The following MYO3B variants were observed in gnomAD, a reference collection of about 807,000 sequenced individuals.
MYO3B encodes the protein myosin IIIB.
MYO3B carries 156 observed loss-of-function variants against 174.6 expected under a neutral mutation model. The ratio of observed to expected loss-of-function variants is 0.89; its 90% CI spans 0.78 to 1.02. The LOEUF is 1.02. Among genes scored for constraint, MYO3B ranks in the 50% least tolerant of loss-of-function variants. MYO3B has a pLI of 0.00. For missense variants in MYO3B, 1,632 were observed against 1,639.4 expected, an observed-to-expected ratio of 1.00 and a Z score of 0.08; for synonymous variants, 563 against 569.1, an observed-to-expected ratio of 0.99 and a Z score of 0.15.
At chr2:170,321,881 C>T (rs559338642) in intron 7 of MYO3B, among the ~76,000 whole-genome samples, 305 of 152,056 alleles carry the variant, frequency 2.0e-3, no homozygotes, top group African/African-American at 7.0e-3. Flanking sequence ...TCTGGGAGGC[C>T]GAGGCGGGTG....
At chr2:170,252,033 C>A (rs943409056) in intron 7 of MYO3B, among the ~76,000 whole-genome samples, 1 of 152,212 alleles carries the variant, frequency 6.6e-6, no homozygotes, top group Admixed American at 6.5e-5. Context: ...CCTCTCTCAT[C>A]ATTAGGCTTG....
intron 7 of MYO3B, among the ~76,000 whole-genome samples, chr2:170,287,529 T>C (rs189799052): frequency 3.9e-5 from 6 of 152,290 alleles, no homozygotes; most frequent in Admixed American, 2.0e-4. Context: ...TTGTATGTCT[T>C]ATTTTGAGAA....
At chr2:170,634,369 A>G (rs1308756437) in intron 32 of MYO3B, among the ~76,000 whole-genome samples, 1 of 152,242 alleles carries the variant, frequency 6.6e-6, no homozygotes, top group Non-Finnish European at 1.5e-5. Context: ...GCAATGGGGA[A>G]AGGATTCCCT....
Position 170,453,451 on chromosome 2 carries a change from CACGA to C in MYO3B, c.2730+9406_2730+9409del, listed in dbSNP as rs1218304017. 8.6e-3 allele frequency among the ~76,000 whole-genome samples: 1,024 copies of C among 119,570 alleles called. 6 individuals are homozygous for C. Among genetic ancestry groups the C allele is most frequent in the East Asian group, 0.033 (124 of 3,754 alleles). The allele number at this position is 119,570 out of a possible 152,430, so 78.4% of individuals were successfully genotyped here. On this transcript the variant is annotated intron_variant, in intron 23 of 34. Coordinates refer to ENST00000408978, the MANE Select transcript of MYO3B (RefSeq NM_138995.5). Reference sequence around the variant, plus strand: ...ACACACACACACACACACACACACACACGAGAGAGAGAGAGAGAAAGAGAGAGCG... The same window carrying C: ...ACACACACACACACACACACACACACGAGAGAGAGAGAGAAAGAGAGAGCG...
At chr2:170,221,494 G>A (rs1010675269) in intron 6 of MYO3B, among the ~76,000 whole-genome samples, 20 of 151,924 alleles carry the variant, frequency 1.3e-4, no homozygotes, top group Non-Finnish European at 2.6e-4. Context: ...AGTTCACTGG[G>A]GCACCTCAAA....
intron 7 of MYO3B, among the ~76,000 whole-genome samples, chr2:170,308,414 C>A (rs1326460722): frequency 6.6e-6 from 1 of 152,158 alleles, no homozygotes; most frequent in Non-Finnish European, 1.5e-5. Context: ...AAAGGCACCT[C>A]CCTGGGCCTG....
intron 9 of MYO3B, among the ~76,000 whole-genome samples, chr2:170,375,315 T>G (rs1390506931): frequency 6.6e-6 from 1 of 152,136 alleles, no homozygotes; most frequent in African/African-American, 2.4e-5. Context: ...CTCTCTGGAA[T>G]GTGAGTGGAG....
chr2:170,583,909 A>T (rs1341756863), intron 32 of MYO3B, among the ~76,000 whole-genome samples: 2 of 152,366 alleles, frequency 1.3e-5, no homozygotes, highest in Admixed American at 6.5e-5. Context: ...AAACTTAAAA[A>T]AAATTAAACC....
At chr2:170,591,858 C>T (rs534499101) in intron 32 of MYO3B, among the ~76,000 whole-genome samples, 1 of 152,108 alleles carries the variant, frequency 6.6e-6, no homozygotes, top group Non-Finnish European at 1.5e-5. Context: ...TAAACTTGGT[C>T]GTAGAAATCT....
rs539874436 is a variant in MYO3B at position 170,525,764 on chromosome 2, G to C, written c.3575+6224G>C. ...ATTGGGCTGACCTCAGAATTGATGA[G>C]CCAGAGAAACAGCCTCCCAGTCAGC... is the stretch of plus-strand genomic sequence containing the variant. On this transcript the variant is annotated intron_variant, in intron 30 of 34. Coordinates refer to ENST00000408978, the MANE Select transcript of MYO3B (RefSeq NM_138995.5). Among the ~76,000 whole-genome samples the C allele has an allele frequency of 4.9e-4, 74 of 152,348 alleles. 1 individual carries two copies. The South Asian group carries it at 5.0e-3, about 10-fold the overall frequency.
chr2:170,475,402 C>A (rs537377960), intron 25 of MYO3B, among the ~76,000 whole-genome samples: 1 of 152,244 alleles, frequency 6.6e-6, no homozygotes, highest in African/African-American at 2.4e-5. Flanking sequence ...ATGTGCAAAC[C>A]ACCATGCCTG....
At chr2:170,510,456 A>G (rs1296374634) in intron 28 of MYO3B, among the ~76,000 whole-genome samples, 1 of 152,226 alleles carries the variant, frequency 6.6e-6, no homozygotes, top group Non-Finnish European at 1.5e-5. Flanking sequence ...AAGTAAGAAT[A>G]AAAAGAGATT....
intron 7 of MYO3B, among the ~76,000 whole-genome samples, chr2:170,307,048 G>C (rs1348616132): frequency 1.3e-5 from 2 of 151,440 alleles, no homozygotes; most frequent in Admixed American, 6.6e-5. Context: ...TCCAGCCTGG[G>C]CAACATAGCA....
At chr2:170,228,801 C>A (rs549704819) in intron 6 of MYO3B, among the ~76,000 whole-genome samples, 2 of 152,076 alleles carry the variant, frequency 1.3e-5, no homozygotes, top group East Asian at 1.9e-4. Flanking sequence ...AATTAGAGAC[C>A]TTCCTGAAGT....
chr2:170,650,662 T>C (rs1049290221), intron 32 of MYO3B, among the ~76,000 whole-genome samples: 1 of 142,332 alleles, frequency 7.0e-6, no homozygotes, highest in African/African-American at 2.6e-5. Flanking sequence ...GGAAGGGAAA[T>C]GAATTATGAC....
In MYO3B at chr2:170,334,893, T is replaced by C. The variant is rs112598086; in HGVS notation, c.750-492T>C. 8.8e-4 allele frequency: 135 copies of C among 152,948 alleles called. 2 individuals carry two copies. Among genetic ancestry groups the C allele is most frequent in the African/African-American group, 3.0e-3 (126 of 41,566 alleles). The allele number at this position is 152,948 out of a possible 1,614,324, so 9.5% of individuals were successfully genotyped here. On this transcript the variant is annotated intron_variant, in intron 7 of 34. Transcript: ENST00000408978. Reference sequence around the variant, plus strand: ...CTTTCTCCAGTGCTTATTGCAGAAGTTGATACATAGGAGATAGTTAAAAAT... The same window carrying C: ...CTTTCTCCAGTGCTTATTGCAGAAGCTGATACATAGGAGATAGTTAAAAAT...
intron 7 of MYO3B, among the ~76,000 whole-genome samples, chr2:170,310,684 A>AAAAAAAAAG: frequency 6.6e-6 from 1 of 151,474 alleles, no homozygotes; most frequent in Non-Finnish European, 1.5e-5. Context: ...AAAAAAAAAA[A>AAAAAAAAAG]AAAGAAATAC....
intron 27 of MYO3B, 136 bp from the exon 28 acceptor site, chr2:170,501,649 C>T (rs1258365241): frequency 4.9e-6 from 3 of 612,298 alleles, no homozygotes; most frequent in Non-Finnish European, 8.8e-6. Context: ...TCACATACCT[C>T]TGCTTATTTT....
intron 24 of MYO3B, among the ~76,000 whole-genome samples, chr2:170,463,978 T>C (rs1210503011): frequency 6.6e-6 from 1 of 152,210 alleles, no homozygotes; most frequent in East Asian, 1.9e-4. Flanking sequence ...TGCACAGATT[T>C]GTTTGTCTTC....
Sources: allele counts gnomAD v4.1 joint callset (sites outside exome capture counted in the v4.1 genomes callset), GRCh38; gene constraint gnomAD v4.1.1; transcripts MANE v1.5; gene names NCBI Gene and HGNC (gene_info 2026-07-23, HGNC 2026-07-21).